The following BAZ1B variants were observed in gnomAD, a reference collection of about 807,000 sequenced individuals.
BAZ1B encodes the protein bromodomain adjacent to zinc finger domain 1B, also known as tyrosine-protein kinase BAZ1B.
A neutral mutation model predicts 153.8 loss-of-function variants in BAZ1B; 22 were observed. The ratio of observed to expected loss-of-function variants is 0.14; its 90% CI spans 0.10 to 0.20. BAZ1B has a LOEUF of 0.20. Ranked by LOEUF, BAZ1B falls within the 10% of genes least tolerant of loss-of-function variation. BAZ1B has a pLI of 1.00. For synonymous variants in BAZ1B, 676 were observed against 633.4 expected, an observed-to-expected ratio of 1.07 and a Z score of -1.01; for missense variants, 1,325 against 1,799.3, an observed-to-expected ratio of 0.74 and a Z score of 4.77.
intron 6 of BAZ1B, among the ~76,000 whole-genome samples, chr7:73,488,569 T>G (rs1789509981): frequency 6.6e-6 from 1 of 151,756 alleles, no homozygotes; most frequent in African/African-American, 2.4e-5. Flanking sequence ...CCATCTCTAC[T>G]AAAAATAGAA....
chr7:73,443,209 C>T (rs1166831913), intron 17 of BAZ1B, among the ~76,000 whole-genome samples: 4 of 152,220 alleles, frequency 2.6e-5, no homozygotes, highest in African/African-American at 9.6e-5. Flanking sequence ...CAAGCCACTG[C>T]AGAAAGCAAA....
At chr7:73,460,206 A>AG (rs1333043789) in intron 12 of BAZ1B, among the ~76,000 whole-genome samples, 8 of 151,206 alleles carry the variant, frequency 5.3e-5, no homozygotes, top group Non-Finnish European at 1.5e-5. Flanking sequence ...AAAAAAAAAA[A>AG]AAAAAAAAAA....
chr7:73,465,408 A>C, intron 11 of BAZ1B, 31 bp downstream of exon 11: 2 of 1,392,740 alleles, frequency 1.4e-6, no homozygotes, highest in South Asian at 1.3e-5. Context: ...AAGAGAAGTA[A>C]GATGTGAGGA....
chr7:73,506,858 A>G (rs1395931382), intron 3 of BAZ1B, among the ~76,000 whole-genome samples: 3 of 147,824 alleles, frequency 2.0e-5, no homozygotes, highest in Admixed American at 1.4e-4. Flanking sequence ...CCTCAAAGAA[A>G]AAAAAAAAAA....
At chr7:73,493,062 C>T in intron 4 of BAZ1B, 141 bp from the exon 5 acceptor site, 1 of 820,914 alleles carries the variant, frequency 1.2e-6, no homozygotes, top group Non-Finnish European at 1.8e-6. Context: ...ATGTCCTTAA[C>T]TTCAAGGAGC....
chr7:73,519,234 T>C (rs192202976), intron 1 of BAZ1B, among the ~76,000 whole-genome samples: 46 of 152,206 alleles, frequency 3.0e-4, no homozygotes, highest in East Asian at 2.3e-3. Flanking sequence ...AATCAAAAGG[T>C]AGGTATTAAA....
At chr7:73,466,465 G>T in intron 9 of BAZ1B, 64 bp from the exon 10 acceptor site, 1 of 1,137,724 alleles carries the variant, frequency 8.8e-7, no homozygotes, top group Non-Finnish European at 1.3e-6. Flanking sequence ...TCAAATCTAA[G>T]CAGTACACAG....
rs553493530 is a variant in BAZ1B at position 73,492,648 on chromosome 7, G to T, written c.693+152C>A. 40 of 669,930 alleles carry T rather than the reference G, an allele frequency of 6.0e-5. No individual in the cohort carries two copies. The South Asian group carries it at 8.4e-4, about 14-fold the overall frequency. 41.5% of individuals were successfully genotyped at this position (669,930 alleles called of 1,614,324 possible). ...AAGAAAATATAATTTACATTAACTT[G>T]AAGTCATTAATTACTGTAACTACAA... On this transcript the variant is annotated intron_variant, in intron 5 of 19. Transcript: ENST00000339594.
intron 5 of BAZ1B, among the ~76,000 whole-genome samples, 190 bp downstream of exon 5, chr7:73,492,610 G>T (rs1554575709): frequency 6.6e-6 from 1 of 152,176 alleles, no homozygotes; most frequent in Non-Finnish European, 1.5e-5. Context: ...GAAAAGCATG[G>T]TATCTTCTAG....
At chr7:73,469,192 A>AT (rs538920885) in intron 9 of BAZ1B, among the ~76,000 whole-genome samples, 1 of 152,012 alleles carries the variant, frequency 6.6e-6, no homozygotes, top group Non-Finnish European at 1.5e-5. Flanking sequence ...CTTAGACCCC[A>AT]TACCTCAATT....
In BAZ1B at chr7:73,477,810, G is replaced by A; in HGVS notation, c.1651C>T (p.Arg551Trp). The A allele has an allele frequency of 1.2e-6, 2 of 1,613,834 alleles. No homozygotes were observed. The highest frequency in any genetic ancestry group is 1.7e-6 in the Non-Finnish European group (2 of 1,179,988). ...EQRKEYLKKK[R>W]EELKKKLKEK... The stretch of plus-strand genomic sequence containing the variant: ...TTCAACTTCTTTTTCAGCTCCTCCC[G>A]TTTCTTTTTCAAATATTCTTTCCGT... Residue 551 changes from arginine to tryptophan, a missense_variant, in exon 7 of 20, where the codon CGG becomes TGG. Physicochemically the swap from Arg to Trp is moderately radical, Grantham distance 101. This residue lies in a region of BAZ1B where 154 missense variants were observed against 266.3 expected (regional missense o/e 0.58). Transcript: ENST00000339594. This position sits in a 1 kb window ranked among gnomAD's most constrained non-coding sequence, Gnocchi z 5.6.
chr7:73,509,585 G>A (rs1554578285), intron 2 of BAZ1B, among the ~76,000 whole-genome samples: 1 of 151,600 alleles, frequency 6.6e-6, no homozygotes, highest in Non-Finnish European at 1.5e-5. Context: ...GCTGGGTGAG[G>A]TGGCATGCAC....
intron 3 of BAZ1B, among the ~76,000 whole-genome samples, chr7:73,506,525 A>C (rs140395898): frequency 3.4e-3 from 503 of 149,736 alleles, no homozygotes; most frequent in Middle Eastern, 0.014. Flanking sequence ...TTAAGTAGAA[A>C]AAGTCCAACT....
Position 73,462,964 on chromosome 7 carries a change from T to C in BAZ1B, c.3207A>G (p.Gly1069=). ...ATGTTTCTTCCACATATCCAAGTCC[T>C]CCTTTTTGTAACCTTGTTGCAACTT... ...LIEVATRLQK[G]GLGYVEETSE... The change falls in exon 12 of 20, where the codon GGA becomes GGG. Residue 1069 remains glycine (G), a synonymous_variant. Transcript: ENST00000339594. 6.2e-7 allele frequency: 1 copy of C among 1,614,072 alleles called. No homozygotes were observed. The highest frequency in any genetic ancestry group is 2.2e-5 in the East Asian group (1 of 44,868).
At chr7:73,494,684 G>A (rs1485410842) in intron 4 of BAZ1B, among the ~76,000 whole-genome samples, 1 of 152,112 alleles carries the variant, frequency 6.6e-6, no homozygotes, top group African/African-American at 2.4e-5. Flanking sequence ...GGGAGGTTGA[G>A]GCTGCAATGA....
intron 5 of BAZ1B, among the ~76,000 whole-genome samples, chr7:73,489,859 T>C (rs2116380500): frequency 6.6e-6 from 1 of 152,342 alleles, no homozygotes; most frequent in South Asian, 2.1e-4. Context: ...TTAGGCAATA[T>C]GTCAATATGT....
At chr7:73,452,270 T>G (rs1788047969) in intron 13 of BAZ1B, among the ~76,000 whole-genome samples, 1 of 152,186 alleles carries the variant, frequency 6.6e-6, no homozygotes, top group Admixed American at 6.5e-5. Context: ...AGTACTTTCA[T>G]CAGTTTTACT....
At chr7:73,463,665 A>G (rs1358177251) in intron 11 of BAZ1B, among the ~76,000 whole-genome samples, 1 of 151,612 alleles carries the variant, frequency 6.6e-6, no homozygotes, top group Non-Finnish European at 1.5e-5. Context: ...TCATAGAACT[A>G]TATTTCTTTG....
At chr7:73,461,965 C>T (rs565441111) in intron 12 of BAZ1B, among the ~76,000 whole-genome samples, 1 of 152,304 alleles carries the variant, frequency 6.6e-6, no homozygotes, top group East Asian at 1.9e-4. Flanking sequence ...CAGGGTCTTG[C>T]TATGTTGCCC....
Sources: allele counts gnomAD v4.1 joint callset (sites outside exome capture counted in the v4.1 genomes callset), GRCh38; gene constraint gnomAD v4.1.1; regional missense constraint gnomAD v4.1.1; non-coding constraint Gnocchi (gnomAD v3.1); transcripts MANE v1.5; gene names NCBI Gene and HGNC (gene_info 2026-07-23, HGNC 2026-07-21).